Variants in CUBN observed in about 807,000 individuals in gnomAD.
CUBN encodes the protein 460 kDa receptor.
In CUBN, 282 loss-of-function variants were observed where a neutral mutation model predicts 405.3. That is an observed-to-expected ratio of 0.70 (90% CI 0.63 to 0.77). The LOEUF is 0.77. Ranked by LOEUF, CUBN falls within the 30% of genes least tolerant of loss-of-function variation. The probability of loss-of-function intolerance (pLI) is 0.00; values close to 1 mark genes in which losing one functional copy is unlikely to be tolerated. For synonymous variants in CUBN, 1,684 were observed against 1,617.0 expected (o/e 1.04, Z -0.99); for missense variants, 4,514 against 4,475.2 (o/e 1.01, Z -0.25).
chr10:16,950,162 T>C lies in CUBN; in HGVS notation c.4970-51A>G, dbSNP rs371422411. On this transcript the variant is annotated intron_variant, in intron 33 of 66. Coordinates refer to ENST00000377833, the MANE Select transcript of CUBN (RefSeq NM_001081.4). ...TCGTAAAGTACTGGCAAATAAAACA[T>C]ACAGGGAGATGGGGCAAGACGGGGA... 3.0e-6 allele frequency: 4 copies of C among 1,328,436 alleles called. No homozygotes were observed. The African/African-American group carries it at 4.3e-5, about 14-fold the overall frequency. 82.3% of individuals were successfully genotyped at this position (1,328,436 alleles called of 1,614,324 possible). A position where few individuals can be genotyped will look rare whatever the true frequency, so the allele number is the denominator to read the frequency against.
chr10:16,891,147 A>G (rs1172139468), intron 54 of CUBN, among the ~76,000 whole-genome samples: 2 of 152,208 alleles, frequency 1.3e-5, no homozygotes, highest in Non-Finnish European at 2.9e-5. Context: ...CTGTCACTTA[A>G]TTGGTCTGGC....
chr10:16,948,501 G>A lies in CUBN; in HGVS notation c.5186C>T (p.Thr1729Ile). 6.2e-7 allele frequency: 1 copy of A among 1,614,044 alleles called. No individual in the cohort carries two copies. Among genetic ancestry groups the A allele is most frequent in the Non-Finnish European group, 8.5e-7 (1 of 1,179,964 alleles). Reference sequence around the variant, plus strand: ...ACCCGACACTGATGCGGTGACCGTGGTGTGGAAACCCCCAGCACTGATGCT... The same window carrying A: ...ACCCGACACTGATGCGGTGACCGTGATGTGGAAACCCCCAGCACTGATGCT... ...DSSISAGGFHTTVTASVSACG... is the reference protein window; with the variant it reads ...DSSISAGGFHITVTASVSACG... The change falls in exon 35 of 67, where the codon ACC becomes ATC. Residue 1729 changes from threonine to isoleucine, a missense_variant. By Grantham distance (89) the Thr-to-Ile change is moderately conservative. Around this residue, in one of 5 missense-constraint regions of CUBN, gnomAD observed 1,613 missense variants for 1,542.8 expected, o/e 1.05. Coordinates refer to ENST00000377833, the MANE Select transcript of CUBN (RefSeq NM_001081.4).
chr10:16,834,917 C>A (rs1839122383), intron 64 of CUBN, 97 bp downstream of exon 64: 2 of 1,153,460 alleles, frequency 1.7e-6, no homozygotes, highest in East Asian at 2.5e-5. Context: ...AAATAAGAAT[C>A]ATATAATATT....
At chr10:17,032,620 A>G (rs1052494864) in intron 27 of CUBN, among the ~76,000 whole-genome samples, 1 of 152,212 alleles carries the variant, frequency 6.6e-6, no homozygotes, top group African/African-American at 2.4e-5. Context: ...GACAAATATT[A>G]CTGTAATTCT....
intron 31 of CUBN, among the ~76,000 whole-genome samples, chr10:16,956,693 T>C (rs979693064): frequency 7.9e-5 from 12 of 152,162 alleles, no homozygotes; most frequent in African/African-American, 2.7e-4. Flanking sequence ...CAAAGGATAA[T>C]GAATACCTTC....
chr10:17,124,863 G>A (rs1397455266), intron 4 of CUBN, among the ~76,000 whole-genome samples: 3 of 151,798 alleles, frequency 2.0e-5, no homozygotes, highest in Admixed American at 6.6e-5. Flanking sequence ...ATGGAGCCTC[G>A]GTCTGTCACC....
chr10:16,831,256 G>A lies in CUBN; in HGVS notation c.10524C>T (p.Pro3508=). The A allele has an allele frequency of 6.2e-7, 1 of 1,613,894 alleles. No homozygotes were observed. Among genetic ancestry groups the A allele is most frequent in the Middle Eastern group, 1.7e-4 (1 of 6,060 alleles). The change falls in exon 65 of 67, where the codon CCC becomes CCT. Residue 3508 remains proline (P), a synonymous_variant. Transcript: ENST00000377833. ...RGYEIIWTSS[P]SGCGGTLYGD... is the part of the protein sequence containing the mutation. Reference sequence around the variant, plus strand: ...TACAAAGTGCAAATGTCTTACCAGAGGGTGATGAAGTCCAGATGATTTCAT... The same window carrying A: ...TACAAAGTGCAAATGTCTTACCAGAAGGTGATGAAGTCCAGATGATTTCAT...
At chr10:16,972,631 G>T (rs917385211) in intron 31 of CUBN, among the ~76,000 whole-genome samples, 1 of 151,858 alleles carries the variant, frequency 6.6e-6, no homozygotes, top group African/African-American at 2.4e-5. Context: ...CAGAGATGGG[G>T]TCCAGGCTGG....
intron 54 of CUBN, among the ~76,000 whole-genome samples, chr10:16,896,115 C>T (rs1234391441): frequency 6.6e-6 from 1 of 152,116 alleles, no homozygotes; most frequent in African/African-American, 2.4e-5. Flanking sequence ...AATGTGATTT[C>T]CATTTAGGTC....
intron 21 of CUBN, among the ~76,000 whole-genome samples, chr10:17,067,706 G>T (rs1835642014): frequency 1.3e-5 from 2 of 152,172 alleles, no homozygotes; most frequent in East Asian, 3.8e-4. Context: ...CGTATAGTAT[G>T]ATTCCATTTA....
rs775947745 is a variant in CUBN at position 16,900,834 on chromosome 10, A to G, written c.8201T>C (p.Phe2734Ser). The change falls in exon 53 of 67, where the codon TTT (phenylalanine) becomes TCT (serine). Residue 2734 changes from phenylalanine to serine, a missense_variant. Phe to Ser is a radical substitution (Grantham distance 155). Around this residue, in one of 5 missense-constraint regions of CUBN, gnomAD observed 1,186 missense variants for 1,186.9 expected, o/e 1.00. Transcript: ENST00000377833. ...ACAAGTTGTATGGGGTTCAATATCA[A>G]AGTCACTAAATGTGAGCTGCAGGAG... ...GHTITLTFSD[F>S]DIEPHTTCAW... 6.2e-7 allele frequency: 1 copy of G among 1,613,314 alleles called. No homozygotes were observed. The highest frequency in any genetic ancestry group is 1.1e-5 in the South Asian group (1 of 90,996).
intron 31 of CUBN, among the ~76,000 whole-genome samples, chr10:16,975,671 G>A (rs1397553325): frequency 3.1e-5 from 4 of 129,528 alleles, no homozygotes; most frequent in Admixed American, 1.0e-4. Flanking sequence ...TCGCTGTGTC[G>A]CCAGGCTGGA....
At chr10:16,838,373 G>A (rs969510702) in intron 62 of CUBN, among the ~76,000 whole-genome samples, 2 of 152,178 alleles carry the variant, frequency 1.3e-5, no homozygotes, top group Non-Finnish European at 2.9e-5. Flanking sequence ...GAATGAACTG[G>A]GGAGGGTTAG....
rs1240558338 is a variant in CUBN at position 16,835,052 on chromosome 10, T to C, written c.10324A>G (p.Ile3442Val). 1.9e-6 allele frequency: 3 copies of C among 1,614,182 alleles called. No individual in the cohort carries two copies. Among genetic ancestry groups the C allele is most frequent in the Middle Eastern group, 1.6e-4 (1 of 6,062 alleles). The stretch of plus-strand genomic sequence containing the variant: ...TTTCTGCATTCAACTGAGTTCTCGA[T>C]GCCAAGTGAATGAAAAAAGAGGGAA... ...TISLFFHSLG[I>V]ENSVECRNDF... Residue 3442 changes from isoleucine to valine, a missense_variant, in exon 64 of 67, where the codon ATC becomes GTC. Physicochemically the swap from Ile to Val is conservative, Grantham distance 29. Coordinates refer to ENST00000377833, the MANE Select transcript of CUBN (RefSeq NM_001081.4).
At chr10:16,986,315 G>A (rs1354044656) in intron 29 of CUBN, among the ~76,000 whole-genome samples, 1 of 128,952 alleles carries the variant, frequency 7.8e-6, no homozygotes, top group Admixed American at 8.6e-5. Context: ...CCATTCCTCA[G>A]CACCCCCGGC....
intron 60 of CUBN, among the ~76,000 whole-genome samples, chr10:16,842,022 A>C (rs1225751717): frequency 6.7e-6 from 1 of 148,226 alleles, no homozygotes; most frequent in African/African-American, 2.5e-5. Context: ...AGCAACTGTT[A>C]CCTTCTTCTA....
intron 29 of CUBN, among the ~76,000 whole-genome samples, chr10:16,986,524 T>C (rs1414038540): frequency 6.6e-6 from 1 of 152,162 alleles, no homozygotes; most frequent in African/African-American, 2.4e-5. Flanking sequence ...CACAGAGGGC[T>C]GAGCACAAGG....
At chr10:16,841,451 G>A (rs370536230) in intron 60 of CUBN, among the ~76,000 whole-genome samples, 5 of 151,986 alleles carry the variant, frequency 3.3e-5, no homozygotes, top group Non-Finnish European at 5.9e-5. Flanking sequence ...AAATGTCATC[G>A]AGAGGATACT....
intron 31 of CUBN, chr10:16,965,929 C>A (rs1448609085): frequency 6.4e-6 from 3 of 470,730 alleles, no homozygotes; most frequent in Admixed American, 2.4e-5. Flanking sequence ...CAGTGCAGAG[C>A]CAATATACAA....
Sources: allele counts gnomAD v4.1 joint callset (sites outside exome capture counted in the v4.1 genomes callset), GRCh38; gene constraint gnomAD v4.1.1; regional missense constraint gnomAD v4.1.1; transcripts MANE v1.5; gene names NCBI Gene and HGNC (gene_info 2026-07-23, HGNC 2026-07-21).